Variants in FNIP1 observed in about 807,000 individuals in gnomAD.
The protein encoded by FNIP1 is folliculin-interacting protein 1.
In FNIP1, 40 loss-of-function variants were observed where a neutral mutation model predicts 124.5. That is an observed-to-expected ratio of 0.32 (90% CI 0.25 to 0.42). FNIP1 has a LOEUF of 0.42. Ranked by LOEUF, FNIP1 falls within the 10% of genes least tolerant of loss-of-function variation. FNIP1 has a pLI of 1.00. For synonymous variants in FNIP1, 472 were observed against 470.6 expected, an observed-to-expected ratio of 1.00 and a Z score of -0.04; for missense variants, 1,176 against 1,403.7, an observed-to-expected ratio of 0.84 and a Z score of 2.59.
At chr5:131,701,701 TC>T (rs951771501) in intron 10 of FNIP1, among the ~76,000 whole-genome samples, 1 of 152,186 alleles carries the variant, frequency 6.6e-6, no homozygotes, top group Non-Finnish European at 1.5e-5. Context: ...TCTAAACCAT[TC>T]TAACGGGTCT....
intron 11 of FNIP1, among the ~76,000 whole-genome samples, chr5:131,696,530 AAATATGCTTAAC>A (rs1768697897): frequency 6.6e-6 from 1 of 152,202 alleles, no homozygotes; most frequent in Non-Finnish European, 1.5e-5. Context: ...AAAACAATGT[AAATATGCTTAAC>A]ACTACTGAAC....
intron 15 of FNIP1, among the ~76,000 whole-genome samples, chr5:131,670,055 G>C (rs1020517979): frequency 6.6e-6 from 1 of 152,028 alleles, no homozygotes; most frequent in Non-Finnish European, 1.5e-5. Context: ...AAAATGAATA[G>C]ACTAATAAGA....
chr5:131,720,318 G>A (rs1769615959), intron 3 of FNIP1, among the ~76,000 whole-genome samples: 1 of 152,146 alleles, frequency 6.6e-6, no homozygotes, highest in South Asian at 2.1e-4. Flanking sequence ...TAAAACTGGT[G>A]TCCTATATCA....
intron 1 of FNIP1, among the ~76,000 whole-genome samples, chr5:131,767,427 CAAAAAAA>C (rs139550903): frequency 1.6e-3 from 101 of 64,010 alleles, no homozygotes; most frequent in African/African-American, 4.9e-3. Context: ...GATTCTGTCT[CAAAAAAA>C]AAAAAAAAAA....
chr5:131,644,088 T>C lies in FNIP1; in HGVS notation c.*597A>G, dbSNP rs1344464508. The stretch of plus-strand genomic sequence containing the variant: ...TGTTTACCAGTCTTGTATTTCTATT[T>C]CTGCTTTTTAAAAAAAAATAGGTAC... On this transcript the variant is annotated 3_prime_UTR_variant, in exon 18 of 18. Transcript: ENST00000510461. 4 of 152,308 alleles carry C rather than the reference T, an allele frequency of 2.6e-5. No individual in the cohort carries two copies. The highest frequency in any genetic ancestry group is 4.8e-5 in the African/African-American group (2 of 41,472). 9.4% of individuals were successfully genotyped at this position (152,308 alleles called of 1,614,324 possible). A position where few individuals can be genotyped will look rare whatever the true frequency, so the allele number is the denominator to read the frequency against.
chr5:131,785,426 G>A (rs1322546372), intron 1 of FNIP1, among the ~76,000 whole-genome samples: 4 of 151,626 alleles, frequency 2.6e-5, no homozygotes, highest in Non-Finnish European at 4.4e-5. Context: ...GTGATGGCAG[G>A]CGCCTGTAAT....
chr5:131,791,030 G>T (rs374724557), intron 1 of FNIP1, among the ~76,000 whole-genome samples: 2 of 152,298 alleles, frequency 1.3e-5, no homozygotes, highest in East Asian at 3.9e-4. Flanking sequence ...GAGACAATTT[G>T]ACAGGAGTGG....
chr5:131,709,328 A>G, intron 7 of FNIP1, 56 bp from the exon 8 acceptor site: 1 of 1,443,468 alleles, frequency 6.9e-7, no homozygotes, highest in African/African-American at 1.4e-5. Context: ...CAGGTGGATG[A>G]ACAGCTCCTT....
chr5:131,688,607 T>C (rs1375900835), intron 11 of FNIP1, among the ~76,000 whole-genome samples: 1 of 151,038 alleles, frequency 6.6e-6, no homozygotes, highest in Admixed American at 6.6e-5. Flanking sequence ...ATGATTATTG[T>C]TGCTCTGATG....
At chr5:131,680,912 C>T (rs908499876) in intron 11 of FNIP1, among the ~76,000 whole-genome samples, 2 of 152,136 alleles carry the variant, frequency 1.3e-5, no homozygotes, top group African/African-American at 2.4e-5. Context: ...CATAGTATCA[C>T]AGAGGGAGAC....
chr5:131,683,445 CG>C (rs759857349), intron 11 of FNIP1, among the ~76,000 whole-genome samples: 2 of 149,540 alleles, frequency 1.3e-5, no homozygotes, highest in African/African-American at 2.5e-5. Context: ...CCCAGCTACT[CG>C]GAAGGCTGAG....
chr5:131,675,461 T>A (rs1466553922), intron 13 of FNIP1, among the ~76,000 whole-genome samples: 2 of 152,190 alleles, frequency 1.3e-5, no homozygotes, highest in East Asian at 3.8e-4. Flanking sequence ...AAAAAAGGAT[T>A]TAAATGTCCC....
intron 11 of FNIP1, among the ~76,000 whole-genome samples, chr5:131,697,297 A>G (rs1424329459): frequency 6.6e-6 from 1 of 152,154 alleles, no homozygotes; most frequent in African/African-American, 2.4e-5. Context: ...ATACACATTT[A>G]TTATTATTTT....
chr5:131,724,780 C>T (rs959697703), intron 3 of FNIP1, among the ~76,000 whole-genome samples: 3 of 151,074 alleles, frequency 2.0e-5, no homozygotes, highest in Non-Finnish European at 2.9e-5. Flanking sequence ...TTGCCTATGC[C>T]TATGTCCTGA....
At chr5:131,676,084 T>G (rs1767903352) in intron 13 of FNIP1, among the ~76,000 whole-genome samples, 1 of 151,010 alleles carries the variant, frequency 6.6e-6, no homozygotes, top group Non-Finnish European at 1.5e-5. Context: ...TGCAGTGGCA[T>G]GATCTCGGCT....
intron 3 of FNIP1, among the ~76,000 whole-genome samples, chr5:131,722,154 G>C (rs573174150): frequency 1.3e-5 from 2 of 152,114 alleles, no homozygotes; most frequent in Non-Finnish European, 2.9e-5. Flanking sequence ...TTTGACACAG[G>C]CCTGGTCAGT....
At chr5:131,763,910 C>T (rs1429773537) in intron 1 of FNIP1, among the ~76,000 whole-genome samples, 2 of 151,968 alleles carry the variant, frequency 1.3e-5, no homozygotes, top group Non-Finnish European at 1.5e-5. Context: ...TGTGTCCCTG[C>T]CAAAATCTCA....
chr5:131,727,426 T>G (rs963414680), intron 3 of FNIP1, among the ~76,000 whole-genome samples: 1 of 152,208 alleles, frequency 6.6e-6, no homozygotes, highest in Non-Finnish European at 1.5e-5. Context: ...TGTAATGCCC[T>G]TCTTTGTCTT....
chr5:131,758,264 C>A (rs903141207), intron 1 of FNIP1, among the ~76,000 whole-genome samples: 3 of 152,052 alleles, frequency 2.0e-5, no homozygotes, highest in Non-Finnish European at 4.4e-5. Flanking sequence ...AACTGACCTA[C>A]CTAAAGTTGC....
Sources: gnomAD v4.1 joint callset for allele counts (sites outside exome capture counted in the v4.1 genomes callset) on GRCh38, gnomAD v4.1.1 for gene constraint, MANE v1.5 for transcripts, NCBI Gene and HGNC (gene_info 2026-07-23, HGNC 2026-07-21) for gene names.